The following TLL1 variants were observed in gnomAD, a reference collection of about 807,000 sequenced individuals.
TLL1 encodes the protein tolloid like 1.
In TLL1, 49 loss-of-function variants were observed where a neutral mutation model predicts 128.2. That is an observed-to-expected ratio of 0.38 (90% CI 0.30 to 0.48). The LOEUF (loss-of-function observed/expected upper bound fraction) is 0.48. TLL1 is among the 20% of genes least tolerant of loss of function. TLL1 has a pLI of 0.96. For synonymous variants in TLL1, 454 were observed against 418.8 expected, an observed-to-expected ratio of 1.08 and a Z score of -1.03; for missense variants, 1,123 against 1,242.0, an observed-to-expected ratio of 0.90 and a Z score of 1.44.
chr4:165,978,275 G>T (rs1159773017), intron 1 of TLL1, among the ~76,000 whole-genome samples: 1 of 151,516 alleles, frequency 6.6e-6, no homozygotes, highest in African/African-American at 2.4e-5. Flanking sequence ...TTGTTTCCAG[G>T]TTTTTTTTAT....
chr4:165,989,553 T>C, intron 2 of TLL1, 62 bp downstream of exon 2: 1 of 1,225,336 alleles, frequency 8.2e-7, no homozygotes, highest in Non-Finnish European at 1.2e-6. Flanking sequence ...CTTGAAGTGC[T>C]ATAAATATTT....
At chr4:165,897,139 C>G (rs1467452778) in intron 1 of TLL1, among the ~76,000 whole-genome samples, 1 of 151,892 alleles carries the variant, frequency 6.6e-6, no homozygotes, top group Admixed American at 6.6e-5. Context: ...GAATATTAGC[C>G]CTTGTCAGAT....
chr4:165,900,562 C>A (rs1015311996), intron 1 of TLL1, among the ~76,000 whole-genome samples: 2 of 152,092 alleles, frequency 1.3e-5, no homozygotes, highest in East Asian at 1.9e-4. Context: ...GAATATTGGC[C>A]CCTACTCTCT....
In TLL1 at chr4:165,929,847, T is replaced by A. The variant is rs551587116; in HGVS notation, c.169+55774T>A. ...GACTTCTGAAGTAATGTCTGCAGAC[T>A]ATGTGAGAAGAAAAAGGTTCTATCA... On this transcript the variant is annotated intron_variant, in intron 1 of 20. Coordinates refer to ENST00000061240, the MANE Select transcript of TLL1 (RefSeq NM_012464.5). Among the ~76,000 whole-genome samples, 66 of 152,340 alleles carry A rather than the reference T, an allele frequency of 4.3e-4. 2 individuals carry two copies. Among genetic ancestry groups the A allele is most frequent in the African/African-American group, 1.6e-3 (66 of 41,590 alleles).
intron 1 of TLL1, among the ~76,000 whole-genome samples, chr4:165,921,167 A>G (rs953241926): frequency 1.3e-5 from 2 of 152,192 alleles, no homozygotes; most frequent in Non-Finnish European, 2.9e-5. Context: ...CCCAAATGAG[A>G]TGACATATGG....
intron 5 of TLL1, among the ~76,000 whole-genome samples, chr4:166,000,629 G>T (rs1314400560): frequency 6.6e-6 from 1 of 152,104 alleles, no homozygotes; most frequent in Non-Finnish European, 1.5e-5. Context: ...TAATTTAGTT[G>T]CTGTATAATC....
chr4:166,063,917 G>A (rs1055203307), intron 15 of TLL1, among the ~76,000 whole-genome samples: 1 of 151,796 alleles, frequency 6.6e-6, no homozygotes, highest in Non-Finnish European at 1.5e-5. Context: ...AATGGGTGCA[G>A]CATACCAACA....
chr4:166,061,850 G>C (rs1026463628), intron 15 of TLL1, among the ~76,000 whole-genome samples: 4 of 152,108 alleles, frequency 2.6e-5, no homozygotes, highest in Non-Finnish European at 5.9e-5. Flanking sequence ...TGTGGTTTTA[G>C]TTCTAATATT....
chr4:165,956,184 A>G (rs2110949127), intron 1 of TLL1, among the ~76,000 whole-genome samples: 1 of 152,264 alleles, frequency 6.6e-6, no homozygotes, highest in Admixed American at 6.5e-5. Context: ...GCAAAAGCAG[A>G]ACTACTGATA....
chr4:165,894,299 A>G (rs551340885), intron 1 of TLL1, among the ~76,000 whole-genome samples: 1 of 152,310 alleles, frequency 6.6e-6, no homozygotes, highest in African/African-American at 2.4e-5. Flanking sequence ...AAGAGAAAAT[A>G]TTAGAAGAAG....
chr4:165,992,973 C>A, intron 3 of TLL1, 89 bp downstream of exon 3: 2 of 1,091,052 alleles, frequency 1.8e-6, no homozygotes, highest in African/African-American at 1.5e-5. Context: ...AATCAGTGTG[C>A]CATTATGATG....
Position 166,077,992 on chromosome 4 carries a change from T to A in TLL1, c.2404T>A (p.Trp802Arg). 6.2e-7 allele frequency: 1 copy of A among 1,613,722 alleles called. No homozygotes were observed. ...GTACCCAAGCAGGAAAGAATGCACT[T>A]GGGAAATCAGCGCCACTCCTGGCCA... Reference protein sequence around the residue: ...DKYPSRKECTWEISATPGHRI... With the variant: ...DKYPSRKECTREISATPGHRI... The change falls in exon 18 of 21, where the codon TGG (tryptophan) becomes AGG (arginine). Residue 802 changes from tryptophan (W) to arginine (R), a missense_variant. Physicochemically the swap from Trp to Arg is moderately radical, Grantham distance 101. Around this residue, in one of 3 missense-constraint regions of TLL1, gnomAD observed 634 missense variants for 672.4 expected, o/e 0.94. Transcript: ENST00000061240.
intron 1 of TLL1, among the ~76,000 whole-genome samples, chr4:165,982,738 A>AG (rs1437546653): frequency 1.3e-5 from 2 of 148,180 alleles, no homozygotes; most frequent in African/African-American, 2.4e-5. Context: ...AATGTATGTA[A>AG]AAAAAAAAAA....
rs1469542621 is a variant in TLL1, at chr4:166,104,445, C to A, written c.*3569C>A. 6.6e-6 allele frequency among the ~76,000 whole-genome samples: 1 copy of A among 151,724 alleles called. No homozygotes were observed. The highest frequency in any genetic ancestry group is 1.5e-5 in the Non-Finnish European group (1 of 67,872). On this transcript the variant is annotated 3_prime_UTR_variant, in exon 21 of 21. Coordinates refer to ENST00000061240, the MANE Select transcript of TLL1 (RefSeq NM_012464.5). ...AGGAGGAGAGCAGAAAATATAATTG[C>A]CTTCTAAAGATATATAATTCGAATT...
rs991308188 is a variant in TLL1, at chr4:166,030,748, T to C, written c.1158+5317T>C. On this transcript the variant is annotated intron_variant, in intron 9 of 20. Transcript: ENST00000061240. Reference sequence around the variant, plus strand: ...TTGTTAAAGATTTACTAAATGTTTTTATTCAGCATTCCTGCTCATGTTTCT... The same window carrying C: ...TTGTTAAAGATTTACTAAATGTTTTCATTCAGCATTCCTGCTCATGTTTCT... 12 of 1,143,054 alleles carry C rather than the reference T, an allele frequency of 1.0e-5. No homozygotes were observed. In the Admixed American group the frequency reaches 1.9e-4, roughly 18 times the overall value. 70.8% of individuals were successfully genotyped at this position (1,143,054 alleles called of 1,614,324 possible).
intron 14 of TLL1, among the ~76,000 whole-genome samples, chr4:166,059,382 G>A (rs966169035): frequency 1.3e-5 from 2 of 152,066 alleles, no homozygotes; most frequent in Non-Finnish European, 2.9e-5. Context: ...AGGAAGAGAT[G>A]AAATTTAAAT....
chr4:166,015,044 G>T (rs1737872619), intron 8 of TLL1, among the ~76,000 whole-genome samples: 1 of 151,864 alleles, frequency 6.6e-6, no homozygotes, highest in African/African-American at 2.4e-5. Context: ...GTTCTAACCG[G>T]TTGCAAGTGA....
chr4:166,014,398 T>G, intron 7 of TLL1, 38 bp from the exon 8 acceptor site: 5 of 1,610,948 alleles, frequency 3.1e-6, no homozygotes, highest in Non-Finnish European at 4.2e-6. Context: ...AGTTTTCATT[T>G]GGTGACTTAG....
At chr4:165,902,215 G>A (rs1300353871) in intron 1 of TLL1, among the ~76,000 whole-genome samples, 9 of 152,084 alleles carry the variant, frequency 5.9e-5, no homozygotes, top group Non-Finnish European at 1.3e-4. Context: ...TAGACCACTT[G>A]GGTCCCTGGC....
Sources: allele counts gnomAD v4.1 joint callset (sites outside exome capture counted in the v4.1 genomes callset), GRCh38; gene constraint gnomAD v4.1.1; regional missense constraint gnomAD v4.1.1; transcripts MANE v1.5; gene names NCBI Gene and HGNC (gene_info 2026-07-23, HGNC 2026-07-21).